CCDC3: variants seen among roughly 807,000 people sequenced by gnomAD.
CCDC3 encodes coiled-coil domain containing 3.
CCDC3 carries 24 observed loss-of-function variants against 21.4 expected under a neutral mutation model. The observed-to-expected ratio is 1.12, with a 90% CI of 0.81 to 1.58. The LOEUF (loss-of-function observed/expected upper bound fraction) is 1.58. CCDC3 is among the 40% of genes most tolerant of loss of function. CCDC3 has a pLI of 0.00. For missense variants in CCDC3, 425 were observed against 360.9 expected (o/e 1.18, Z -1.44); for synonymous variants, 186 against 166.0 (o/e 1.12, Z -0.93).
chr10:13,074,536 C>A (rs1205934364), intron 3 of CCDC3, among the ~76,000 whole-genome samples: 1 of 151,620 alleles, frequency 6.6e-6, no homozygotes, highest in Non-Finnish European at 1.5e-5. Flanking sequence ...ATCCAAGGTC[C>A]CAGCTCTCAT....
chr10:13,011,997 G>T (rs568673750), intron 5 of CCDC3, among the ~76,000 whole-genome samples: 1 of 151,640 alleles, frequency 6.6e-6, no homozygotes, highest in South Asian at 2.1e-4. Flanking sequence ...CTAGCAATAC[G>T]TGGAAGATTG....
At chr10:12,939,023 G>A (rs1321507124) in intron 2 of CCDC3, among the ~76,000 whole-genome samples, 1 of 152,192 alleles carries the variant, frequency 6.6e-6, no homozygotes, top group East Asian at 1.9e-4. Context: ...TCTCTGAGAG[G>A]TTGGCTGCAT....
chr10:12,933,348 TTC>T (rs1315208257), intron 2 of CCDC3, among the ~76,000 whole-genome samples: 1 of 152,258 alleles, frequency 6.6e-6, no homozygotes, highest in Non-Finnish European at 1.5e-5. Flanking sequence ...TCTATTCAGA[TTC>T]TCTTTCTTTT....
intron 5 of CCDC3, among the ~76,000 whole-genome samples, chr10:13,029,210 G>A (rs1229081581): frequency 6.6e-6 from 1 of 152,144 alleles, no homozygotes; most frequent in African/African-American, 2.4e-5. Flanking sequence ...ACTGCCTCAG[G>A]AAGCTGTCTC....
intron 4 of CCDC3, among the ~76,000 whole-genome samples, chr10:13,067,065 C>T (rs1836828344): frequency 6.6e-6 from 1 of 152,144 alleles, no homozygotes; most frequent in Admixed American, 6.5e-5. Flanking sequence ...AAATCTTTTT[C>T]CCCTTTCGCT....
intron 2 of CCDC3, among the ~76,000 whole-genome samples, chr10:12,961,550 C>T (rs911392998): frequency 6.6e-6 from 1 of 152,156 alleles, no homozygotes; most frequent in African/African-American, 2.4e-5. Flanking sequence ...TTGGCATAAA[C>T]AATTTTCCCC....
intron 5 of CCDC3, among the ~76,000 whole-genome samples, chr10:13,014,341 T>A (rs1836022280): frequency 6.7e-6 from 1 of 150,206 alleles, no homozygotes; most frequent in African/African-American, 2.5e-5. Flanking sequence ...TCCCAGCTAC[T>A]TGGGAGGCTG....
intron 5 of CCDC3, among the ~76,000 whole-genome samples, chr10:13,042,962 C>G (rs1836481754): frequency 1.3e-5 from 2 of 151,406 alleles, no homozygotes; most frequent in Non-Finnish European, 2.9e-5. Context: ...CTTCTCACAC[C>G]TATTTAAGTT....
chr10:12,919,155 G>C (rs1834406942), intron 2 of CCDC3, among the ~76,000 whole-genome samples: 1 of 152,122 alleles, frequency 6.6e-6, no homozygotes, highest in African/African-American at 2.4e-5. Context: ...ATTTTTTAAG[G>C]GTCTATGTAT....
chr10:13,054,219 C>T (rs1054585437), intron 4 of CCDC3, among the ~76,000 whole-genome samples: 10 of 151,646 alleles, frequency 6.6e-5, no homozygotes, highest in South Asian at 2.1e-4. Flanking sequence ...TGCCTCCTCT[C>T]AGCCCAGCTA....
At chr10:13,076,441 C>G (rs531794849) in intron 3 of CCDC3, among the ~76,000 whole-genome samples, 2 of 152,268 alleles carry the variant, frequency 1.3e-5, no homozygotes, top group East Asian at 3.8e-4. Flanking sequence ...CTAAACAGAC[C>G]CAGACGTAGG....
At chr10:12,969,544 T>TG (rs1271409087) in intron 2 of CCDC3, among the ~76,000 whole-genome samples, 1 of 151,672 alleles carries the variant, frequency 6.6e-6, no homozygotes, top group Non-Finnish European at 1.5e-5. Flanking sequence ...AACCGACTAC[T>TG]GGGTACATAT....
chr10:12,956,246 C>G (rs1011059537), intron 2 of CCDC3, among the ~76,000 whole-genome samples: 10 of 152,224 alleles, frequency 6.6e-5, no homozygotes, highest in African/African-American at 2.4e-4. Context: ...CTTATCCCAT[C>G]ATTCTATGTC....
chr10:12,931,301 A>G (rs1270410523), intron 2 of CCDC3, among the ~76,000 whole-genome samples: 3 of 152,166 alleles, frequency 2.0e-5, no homozygotes, highest in Non-Finnish European at 4.4e-5. Context: ...ACATGCAGCA[A>G]TACACTGTTT....
At chr10:13,092,942 T>C (rs1832590275) in intron 3 of CCDC3, among the ~76,000 whole-genome samples, 1 of 151,938 alleles carries the variant, frequency 6.6e-6, no homozygotes, top group Non-Finnish European at 1.5e-5. Flanking sequence ...AAATGTTGAC[T>C]TTTCGTGGGT....
At chr10:12,938,341 CA>C (rs34286720) in intron 2 of CCDC3, among the ~76,000 whole-genome samples, 31,780 of 152,178 alleles carry the variant, frequency 0.21, 3,946 homozygotes, top group South Asian at 0.44. Context: ...GTCATTGTAG[CA>C]ATGACATCAG....
intron 2 of CCDC3, among the ~76,000 whole-genome samples, chr10:12,953,818 T>C (rs553393588): frequency 2.1e-4 from 32 of 152,324 alleles, no homozygotes; most frequent in African/African-American, 7.5e-4. Context: ...CTTTGGAAGC[T>C]AGACTTCCAA....
chr10:13,052,901 C>A (rs970760166), intron 4 of CCDC3, among the ~76,000 whole-genome samples: 9 of 151,142 alleles, frequency 6.0e-5, no homozygotes, highest in African/African-American at 2.2e-4. Flanking sequence ...GTGATTGCAC[C>A]ACTGCACTCC....
intron 2 of CCDC3, among the ~76,000 whole-genome samples, chr10:12,902,790 A>G (rs1389762011): frequency 1.3e-5 from 2 of 150,874 alleles, no homozygotes; most frequent in Non-Finnish European, 2.9e-5. Flanking sequence ...GCTGTTCTCC[A>G]GGCTAGCAAG....
Sources: allele counts gnomAD v4.1 joint callset (sites outside exome capture counted in the v4.1 genomes callset), GRCh38; gene constraint gnomAD v4.1.1; transcripts MANE v1.5; gene names NCBI Gene and HGNC (gene_info 2026-07-23, HGNC 2026-07-21).